The following RALGAPA2 variants were observed in gnomAD, a reference collection of about 807,000 sequenced individuals.
RALGAPA2 encodes the protein Ral GTPase activating protein catalytic subunit alpha 2.
RALGAPA2 carries 139 observed loss-of-function variants against 230.4 expected under a neutral mutation model. The observed-to-expected ratio is 0.60, with a 90% confidence interval of 0.53 to 0.69. The LOEUF is 0.69. Ranked by LOEUF, RALGAPA2 falls within the 30% of genes least tolerant of loss-of-function variation. The probability of loss-of-function intolerance (pLI) is 0.00; values close to 1 mark genes in which losing one functional copy is unlikely to be tolerated. For synonymous variants in RALGAPA2, 847 were observed against 837.8 expected (o/e 1.01, Z -0.19); for missense variants, 2,163 against 2,276.0 (o/e 0.95, Z 1.01).
chr20:20,420,052 C>A (rs2060245382), intron 37 of RALGAPA2, among the ~76,000 whole-genome samples: 2 of 152,148 alleles, frequency 1.3e-5, no homozygotes, highest in South Asian at 4.1e-4. Flanking sequence ...AAAGAAGTCT[C>A]TGATGGGAGG....
chr20:20,438,242 A>G (rs1376804097), intron 37 of RALGAPA2, among the ~76,000 whole-genome samples: 2 of 152,342 alleles, frequency 1.3e-5, no homozygotes, highest in South Asian at 2.1e-4. Context: ...CCAGTGTCTC[A>G]AAATATTGAT....
intron 33 of RALGAPA2, among the ~76,000 whole-genome samples, chr20:20,509,159 T>A (rs767504179): frequency 3.3e-5 from 5 of 152,210 alleles, no homozygotes; most frequent in African/African-American, 1.2e-4. Context: ...TTCTTCAGAA[T>A]AAATCCCTTA....
chr20:20,644,432 T>C (rs567942464), intron 4 of RALGAPA2, among the ~76,000 whole-genome samples: 2 of 152,326 alleles, frequency 1.3e-5, no homozygotes, highest in South Asian at 4.1e-4. Context: ...GCCAGTGTTT[T>C]GGCAACTGAT....
chr20:20,632,730 A>G (rs2066717856), intron 9 of RALGAPA2, among the ~76,000 whole-genome samples: 1 of 151,570 alleles, frequency 6.6e-6, no homozygotes, highest in East Asian at 2.0e-4. Flanking sequence ...AACTAACTGC[A>G]TTTCTCTGAC....
chr20:20,573,652 T>G (rs2064723526), intron 20 of RALGAPA2, among the ~76,000 whole-genome samples: 1 of 152,216 alleles, frequency 6.6e-6, no homozygotes, highest in South Asian at 2.1e-4. Context: ...TTGTTCTCTG[T>G]TCCTATAGTT....
At chr20:20,467,183 T>A (rs2061437494) in intron 37 of RALGAPA2, among the ~76,000 whole-genome samples, 1 of 152,216 alleles carries the variant, frequency 6.6e-6, no homozygotes, top group South Asian at 2.1e-4. Flanking sequence ...CCCATATTTC[T>A]CTCTTATACC....
intron 20 of RALGAPA2, among the ~76,000 whole-genome samples, chr20:20,578,224 G>T (rs1331176520): frequency 6.6e-6 from 1 of 152,118 alleles, no homozygotes; most frequent in South Asian, 2.1e-4. Flanking sequence ...TTACTCTGCT[G>T]GTGGCGTAAG....
intron 27 of RALGAPA2, among the ~76,000 whole-genome samples, chr20:20,527,158 G>A (rs995720266): frequency 2.6e-5 from 4 of 152,132 alleles, no homozygotes; most frequent in East Asian, 1.9e-4. Flanking sequence ...GGAAAGGTTC[G>A]TCGCTGACCC....
rs1174076412 is a variant in RALGAPA2, at chr20:20,521,101, C to A, written c.3901-1G>T. On this transcript the variant is annotated splice_acceptor_variant, in intron 30 of 39. Transcript: ENST00000202677. LOFTEE classifies it high-confidence loss of function. The stretch of plus-strand genomic sequence containing the variant: ...AGCCACACACACAGCAGTGCAAAAC[C>A]TGTGAAAACAGAGGCCATGTGCACC... The A allele has an allele frequency of 2.5e-6, 4 of 1,599,628 alleles. No individual in the cohort carries two copies. The Admixed American group carries it at 5.0e-5, about 20-fold the overall frequency.
chr20:20,620,519 C>A lies in RALGAPA2; in HGVS notation c.1345G>T (p.Asp449Tyr). Residue 449 changes from aspartate (D) to tyrosine (Y), a missense_variant, in exon 11 of 40, where the codon GAT (aspartate) becomes TAT (tyrosine). By Grantham distance (160) the Asp-to-Tyr change is radical. Transcript: ENST00000202677. ...PVFMEEPDRK[D>Y]VAQEDAEKLG... ...TTTTCAGCATCTTCTTGGGCAACAT[C>A]TTTTCTATCTGGCTCCTCCATGAAC... The A allele has an allele frequency of 6.2e-7, 1 of 1,613,964 alleles. No individual in the cohort carries two copies. Among genetic ancestry groups the A allele is most frequent in the South Asian group, 1.1e-5 (1 of 91,086 alleles).
chr20:20,463,315 G>A (rs1405573888), intron 37 of RALGAPA2, among the ~76,000 whole-genome samples: 3 of 152,018 alleles, frequency 2.0e-5, no homozygotes, highest in African/African-American at 7.2e-5. Flanking sequence ...AAAATGCCAA[G>A]GGTGGGCCTT....
In RALGAPA2 at chr20:20,625,839, C is replaced by A. The variant is rs748867670; in HGVS notation, c.1233+3524G>T. Reference sequence around the variant, plus strand: ...GCCTACACGAAGCATTCTACCACTGCCTGGCCTTCCTGCTGGGGATGGCAG... The same window carrying A: ...GCCTACACGAAGCATTCTACCACTGACTGGCCTTCCTGCTGGGGATGGCAG... On this transcript the variant is annotated intron_variant, in intron 10 of 39. Transcript: ENST00000202677. 3.3e-5 allele frequency among the ~76,000 whole-genome samples: 5 copies of A among 152,156 alleles called. No homozygotes were observed. In the East Asian group the frequency reaches 9.6e-4, roughly 29 times the overall value.
rs576443548 is a variant in RALGAPA2 at position 20,549,695 on chromosome 20, G to A, written c.3157-2863C>T. Among the ~76,000 whole-genome samples the A allele has an allele frequency of 5.4e-4, 82 of 152,284 alleles. 1 individual carries two copies. In the Middle Eastern group the frequency reaches 0.01, roughly 19 times the overall value. On this transcript the variant is annotated intron_variant, in intron 23 of 39. Coordinates refer to ENST00000202677, the MANE Select transcript of RALGAPA2 (RefSeq NM_020343.4). ...ACCACGTGGTACTCAAAGAAGAGCC[G>A]CTGCATATTCTCAATAGTGGGACAT... is the stretch of plus-strand genomic sequence containing the variant.
chr20:20,513,002 A>G lies in RALGAPA2; in HGVS notation c.4367T>C (p.Leu1456Pro), dbSNP rs747832462. Residue 1456 changes from leucine to proline, a missense_variant, in exon 32 of 40, where the codon CTC (leucine) becomes CCC (proline). Coordinates refer to ENST00000202677, the MANE Select transcript of RALGAPA2 (RefSeq NM_020343.4). ...CCTCACAATTACTCTCACATCAGAGAGAGAGCCCACTGGTGATCCCCCTAC... is the reference window on the plus strand; with the variant it reads ...CCTCACAATTACTCTCACATCAGAGGGAGAGCCCACTGGTGATCCCCCTAC... The part of the protein sequence containing the change: ...GPVGGSPVGS[L>P]SDVRVIVRDI... 10 of 1,613,642 alleles carry G rather than the reference A, an allele frequency of 6.2e-6. No homozygotes were observed. Among genetic ancestry groups the G allele is most frequent in the Non-Finnish European group, 8.5e-6 (10 of 1,179,778 alleles).
chr20:20,611,448 C>G, intron 13 of RALGAPA2, 22 bp from the exon 14 acceptor site: 1 of 1,606,436 alleles, frequency 6.2e-7, no homozygotes, highest in Non-Finnish European at 8.5e-7. Flanking sequence ...AAAATAAAAG[C>G]TCATATTAAT....
At chr20:20,420,776 G>T (rs1231580640) in intron 37 of RALGAPA2, among the ~76,000 whole-genome samples, 1 of 152,172 alleles carries the variant, frequency 6.6e-6, no homozygotes, top group Non-Finnish European at 1.5e-5. Context: ...ACCCTGTTTC[G>T]AATGTGTGAA....
chr20:20,638,210 C>A (rs1026476044), intron 7 of RALGAPA2, among the ~76,000 whole-genome samples: 1 of 152,188 alleles, frequency 6.6e-6, no homozygotes, highest in Non-Finnish European at 1.5e-5. Flanking sequence ...GTGCAGTCAC[C>A]CCCAACATGA....
chr20:20,514,263 G>A (rs368251292), intron 31 of RALGAPA2, among the ~76,000 whole-genome samples: 2 of 151,920 alleles, frequency 1.3e-5, no homozygotes, highest in African/African-American at 2.4e-5. Flanking sequence ...TTTCCGCTCC[G>A]CACCCAAGCA....
rs577283332 is a variant in RALGAPA2 at position 20,573,455 on chromosome 20, G to A, written c.2708-387C>T. ...TTGTTGTTAGGTCAGGTTCATGGGGGTGAAATGTGCATACAAGAAATTTCC... is the reference window on the plus strand; with the variant it reads ...TTGTTGTTAGGTCAGGTTCATGGGGATGAAATGTGCATACAAGAAATTTCC... On this transcript the variant is annotated intron_variant, in intron 20 of 39. Coordinates refer to ENST00000202677, the MANE Select transcript of RALGAPA2 (RefSeq NM_020343.4). 2.6e-5 allele frequency among the ~76,000 whole-genome samples: 4 copies of A among 152,268 alleles called. No homozygotes were observed. The East Asian group carries it at 5.8e-4, about 22-fold the overall frequency.
Sources: allele counts gnomAD v4.1 joint callset (sites outside exome capture counted in the v4.1 genomes callset), GRCh38; gene constraint gnomAD v4.1.1; transcripts MANE v1.5; gene names NCBI Gene and HGNC (gene_info 2026-07-23, HGNC 2026-07-21).